The following PPP6C variants were observed in gnomAD, a reference collection of about 807,000 sequenced individuals.
The protein encoded by PPP6C is protein phosphatase 6 catalytic subunit.
In PPP6C, 11 loss-of-function variants were observed where a neutral mutation model predicts 39.8. The ratio of observed to expected loss-of-function variants is 0.28; its 90% CI spans 0.17 to 0.46. The LOEUF (loss-of-function observed/expected upper bound fraction) is 0.46. Ranked by LOEUF, PPP6C falls within the 20% of genes least tolerant of loss-of-function variation. The pLI is 1.00. For missense variants in PPP6C, 211 were observed against 373.9 expected (o/e 0.56, Z 3.59); for synonymous variants, 129 against 130.3 (o/e 0.99, Z 0.07).
chr9:125,167,404 TAAAAAAAAG>T (rs1829045273), intron 2 of PPP6C, among the ~76,000 whole-genome samples: 1 of 81,316 alleles, frequency 1.2e-5, no homozygotes, highest in East Asian at 4.0e-4. Context: ...AAAAAAGAAA[TAAAAAAAAG>T]GCCGGGCATG....
rs116192869 is a variant in PPP6C, at chr9:125,159,785, G to A, written c.237+1056C>T. On this transcript the variant is annotated intron_variant, in intron 3 of 6. Coordinates refer to ENST00000373547, the MANE Select transcript of PPP6C (RefSeq NM_002721.5). Reference sequence around the variant, plus strand: ...CCAGCACTTTGGGAGGCCAAGGCAGGGGCCGAGGTGGGCGGATCACGAGTT... The same window carrying A: ...CCAGCACTTTGGGAGGCCAAGGCAGAGGCCGAGGTGGGCGGATCACGAGTT... Among the ~76,000 whole-genome samples the A allele has an allele frequency of 8.1e-3, 1,234 of 152,308 alleles. 20 individuals carry two copies. Among genetic ancestry groups the A allele is most frequent in the African/African-American group, 0.028 (1,155 of 41,584 alleles).
chr9:125,151,191 C>CA, intron 6 of PPP6C: 1 of 1,495,722 alleles, frequency 6.7e-7, no homozygotes, highest in Non-Finnish European at 9.3e-7. Flanking sequence ...CCATTGCAGA[C>CA]AGGCTGAATG....
intron 6 of PPP6C, 87 bp downstream of exon 6, chr9:125,153,446 T>G: frequency 7.9e-7 from 1 of 1,259,368 alleles, no homozygotes. Context: ...TAAGCTAGAC[T>G]ACAAGTTTGT....
rs1835887709 is a variant in PPP6C at position 125,149,541 on chromosome 9, T to TA, written c.*131_*132insT. On this transcript the variant is annotated 3_prime_UTR_variant, in exon 7 of 7. Coordinates refer to ENST00000373547, the MANE Select transcript of PPP6C (RefSeq NM_002721.5). ...ACAATAAATTTAGATAATTTAAAAT[T>TA]TAAAAAAAAAAAGGCAAGAGGCAGC... 47 of 1,115,124 alleles carry TA rather than the reference T, an allele frequency of 4.2e-5. No individual in the cohort carries two copies. The African/African-American group carries it at 6.2e-4, about 15-fold the overall frequency. 69.1% of individuals were successfully genotyped at this position (1,115,124 alleles called of 1,614,324 possible). A position where few individuals can be genotyped will look rare whatever the true frequency, so the allele number is the denominator to read the frequency against.
intron 3 of PPP6C, among the ~76,000 whole-genome samples, chr9:125,159,158 C>T (rs1350130027): frequency 6.7e-6 from 1 of 150,298 alleles, no homozygotes; most frequent in African/African-American, 2.5e-5. Flanking sequence ...CCCACCTCAG[C>T]TTCCTGAGTA....
intron 4 of PPP6C, among the ~76,000 whole-genome samples, chr9:125,155,036 C>T (rs1836034946): frequency 6.6e-6 from 1 of 152,126 alleles, no homozygotes; most frequent in Non-Finnish European, 1.5e-5. Flanking sequence ...GCCTTCTGAA[C>T]AGCTGGAACT....
intron 2 of PPP6C, among the ~76,000 whole-genome samples, chr9:125,161,143 C>T (rs978539489): frequency 6.6e-6 from 1 of 152,186 alleles, no homozygotes; most frequent in East Asian, 1.9e-4. Flanking sequence ...TTCCCTTTCT[C>T]ATTTTCTTTC....
chr9:125,181,342 ATTT>A (rs1392029176), intron 1 of PPP6C, among the ~76,000 whole-genome samples: 2 of 151,492 alleles, frequency 1.3e-5, no homozygotes, highest in Admixed American at 1.3e-4. Flanking sequence ...CTATTTATTT[ATTT>A]TTTATTATAC....
intron 2 of PPP6C, among the ~76,000 whole-genome samples, chr9:125,161,824 C>A (rs1588279485): frequency 6.6e-6 from 1 of 152,182 alleles, no homozygotes; most frequent in South Asian, 2.1e-4. Flanking sequence ...TTACCCTAGC[C>A]CTAATTTCCA....
chr9:125,177,853 T>C (rs951459498), intron 1 of PPP6C, among the ~76,000 whole-genome samples: 1 of 152,248 alleles, frequency 6.6e-6, no homozygotes, highest in Non-Finnish European at 1.5e-5. Context: ...CTTTTTACTG[T>C]CTCTATAGTT....
At chr9:125,152,073 G>T (rs889775440) in intron 6 of PPP6C, among the ~76,000 whole-genome samples, 9 of 151,800 alleles carry the variant, frequency 5.9e-5, no homozygotes, top group Admixed American at 2.0e-4. Context: ...ACCCTGTAAG[G>T]CAGGAGTAGG....
At chr9:125,166,042 T>C (rs941460926) in intron 2 of PPP6C, among the ~76,000 whole-genome samples, 1 of 152,014 alleles carries the variant, frequency 6.6e-6, no homozygotes, top group Non-Finnish European at 1.5e-5. Flanking sequence ...AGCGATCCGC[T>C]TGCCACGGCC....
At chr9:125,188,471 C>T (rs1259488874) in intron 1 of PPP6C, among the ~76,000 whole-genome samples, 1 of 151,850 alleles carries the variant, frequency 6.6e-6, no homozygotes, top group African/African-American at 2.4e-5. Context: ...TCAGCAAATG[C>T]ATAGAAACAC....
chr9:125,181,785 T>C (rs138897764), intron 1 of PPP6C, among the ~76,000 whole-genome samples: 4 of 152,336 alleles, frequency 2.6e-5, no homozygotes, highest in South Asian at 4.1e-4. Context: ...ATCTTTATAG[T>C]AGAATGATTT....
intron 1 of PPP6C, among the ~76,000 whole-genome samples, chr9:125,173,019 G>C (rs898701327): frequency 6.6e-6 from 1 of 152,228 alleles, no homozygotes. Context: ...GCTCTCGCCT[G>C]TAATCCCAGC....
Position 125,149,627 on chromosome 9 carries a change from G to A in PPP6C, c.*46C>T. The A allele has an allele frequency of 6.3e-7, 1 of 1,593,444 alleles. No individual in the cohort carries two copies. Among genetic ancestry groups the A allele is most frequent in the Non-Finnish European group, 8.6e-7 (1 of 1,166,850 alleles). On this transcript the variant is annotated 3_prime_UTR_variant, in exon 7 of 7. Coordinates refer to ENST00000373547, the MANE Select transcript of PPP6C (RefSeq NM_002721.5). The stretch of plus-strand genomic sequence containing the variant: ...GTAGAGGGTAATACAAGAAAATTGG[G>A]GTAAGAAGAGGGCAGAAAAATGGGT...
intron 6 of PPP6C, chr9:125,151,308 C>T: frequency 2.0e-6 from 3 of 1,475,208 alleles, no homozygotes; most frequent in Non-Finnish European, 2.8e-6. Context: ...ATGGTTGACA[C>T]TTGTGGCACA....
chr9:125,179,654 T>C lies in PPP6C; in HGVS notation c.76-8474A>G, dbSNP rs1263529064. Among the ~76,000 whole-genome samples, 3 of 136,602 alleles carry C rather than the reference T, an allele frequency of 2.2e-5. No homozygotes were observed. In the East Asian group the frequency reaches 6.4e-4, roughly 29 times the overall value. The allele number at this position is 136,602 out of a possible 152,430, so 89.6% of individuals were successfully genotyped here. On this transcript the variant is annotated intron_variant, in intron 1 of 6. Transcript: ENST00000373547. ...TCATCCAGCTTTCCTTTTCTCTCTC[T>C]CTTTTTTTTTTTTTTTTTGGAAACA...
intron 2 of PPP6C, among the ~76,000 whole-genome samples, chr9:125,163,180 A>G (rs1473535833): frequency 6.6e-6 from 1 of 152,188 alleles, no homozygotes; most frequent in African/African-American, 2.4e-5. Flanking sequence ...CAACTCAAGG[A>G]CCTTATGAGG....
Sources: gnomAD v4.1 joint callset for allele counts (sites outside exome capture counted in the v4.1 genomes callset) on GRCh38, gnomAD v4.1.1 for gene constraint, MANE v1.5 for transcripts, NCBI Gene and HGNC (gene_info 2026-07-23, HGNC 2026-07-21) for gene names.